The following TASP1 variants were observed in gnomAD, a reference collection of about 807,000 sequenced individuals.
The protein encoded by TASP1 is threonine aspartase 1.
A neutral mutation model predicts 56.6 loss-of-function variants in TASP1; 16 were observed. The observed-to-expected ratio is 0.28, with a 90% CI of 0.19 to 0.43. The LOEUF (loss-of-function observed/expected upper bound fraction) is 0.43, where lower values mean the gene tolerates loss of function less well. TASP1 is among the 20% of genes least tolerant of loss of function. TASP1 has a pLI of 1.00. For synonymous variants in TASP1, 179 were observed against 184.2 expected (o/e 0.97, Z 0.23); for missense variants, 393 against 511.6 (o/e 0.77, Z 2.24).
At chr20:13,592,424 T>A (rs997237148) in intron 4 of TASP1, among the ~76,000 whole-genome samples, 3 of 150,934 alleles carry the variant, frequency 2.0e-5, no homozygotes, top group Non-Finnish European at 4.4e-5. Context: ...TATATTCAAA[T>A]TGTCTAAGCA....
the TASP1 span, among the ~76,000 whole-genome samples, chr20:13,241,946 C>A: frequency 1.3e-5 from 2 of 151,716 alleles, no homozygotes; most frequent in African/African-American, 4.8e-5. Flanking sequence ...GAGTTGAGGG[C>A]CGTTGCAAGG....
At chr20:13,527,388 T>TA (rs2045023718) in intron 10 of TASP1, among the ~76,000 whole-genome samples, 2 of 152,106 alleles carry the variant, frequency 1.3e-5, no homozygotes, top group South Asian at 4.1e-4. Context: ...ACTCTCCCGA[T>TA]AAAGTCTGAT....
the TASP1 span, chr20:13,221,793 C>G: frequency 2.1e-6 from 3 of 1,452,302 alleles, no homozygotes; most frequent in Non-Finnish European, 2.7e-6. Flanking sequence ...CGCCTGGCGG[C>G]CGAGCTGCTG....
intron 11 of TASP1, among the ~76,000 whole-genome samples, chr20:13,448,213 A>G (rs2043482836): frequency 6.6e-6 from 1 of 152,106 alleles, no homozygotes; most frequent in Non-Finnish European, 1.5e-5. Flanking sequence ...CAATTGCCCA[A>G]CATAAATTTC....
chr20:13,485,974 G>A (rs1180233180), intron 10 of TASP1, among the ~76,000 whole-genome samples: 1 of 152,158 alleles, frequency 6.6e-6, no homozygotes, highest in African/African-American at 2.4e-5. Flanking sequence ...ACTTTGCTCT[G>A]CTGTTATACA....
Position 13,457,993 on chromosome 20 carries a change from A to T in TASP1, c.986-22839T>A, listed in dbSNP as rs184697258. Among the ~76,000 whole-genome samples, 57 of 152,318 alleles carry T rather than the reference A, an allele frequency of 3.7e-4. No individual in the cohort carries two copies. The East Asian group carries it at 9.3e-3, about 25-fold the overall frequency. Reference sequence around the variant, plus strand: ...TTTAAAAATCTAAATTTCAAGAAAGATGTTTTCATTTGTAAGTTTTCAATT... The same window carrying T: ...TTTAAAAATCTAAATTTCAAGAAAGTTGTTTTCATTTGTAAGTTTTCAATT... On this transcript the variant is annotated intron_variant, in intron 11 of 13. Coordinates refer to ENST00000337743, the MANE Select transcript of TASP1 (RefSeq NM_017714.3).
the TASP1 span, among the ~76,000 whole-genome samples, chr20:13,288,370 C>A: frequency 1.3e-5 from 2 of 152,182 alleles, no homozygotes; most frequent in Non-Finnish European, 2.9e-5. Flanking sequence ...AAGCTGATCC[C>A]TAAATGAGCC....
chr20:13,200,056 TA>T, the TASP1 span, among the ~76,000 whole-genome samples: 1 of 152,202 alleles, frequency 6.6e-6, no homozygotes, highest in African/African-American at 2.4e-5. Flanking sequence ...CACATAAATA[TA>T]ACTTGATTTC....
At chr20:13,192,619 G>A in the TASP1 span, among the ~76,000 whole-genome samples, 1 of 151,996 alleles carries the variant, frequency 6.6e-6, no homozygotes, top group South Asian at 2.1e-4. Flanking sequence ...CTGCAGCCTG[G>A]ACCTGCTAGG....
the TASP1 span, among the ~76,000 whole-genome samples, chr20:13,158,289 C>T: frequency 6.6e-6 from 1 of 152,086 alleles, no homozygotes. Context: ...ATAAAATTTC[C>T]AGTGCAATCA....
the TASP1 span, among the ~76,000 whole-genome samples, chr20:13,196,786 TG>T: frequency 6.6e-6 from 1 of 152,192 alleles, no homozygotes; most frequent in Non-Finnish European, 1.5e-5. Context: ...ACATGGCCCA[TG>T]TTTATAGCCC....
chr20:13,380,097 T>G, the TASP1 span, among the ~76,000 whole-genome samples: 1 of 152,214 alleles, frequency 6.6e-6, no homozygotes, highest in Non-Finnish European at 1.5e-5. Flanking sequence ...TCATTCTCCA[T>G]CCAGTTTTGT....
In TASP1 at chr20:13,502,047, G is replaced by T. The variant is rs116464296; in HGVS notation, c.875-18710C>A. On this transcript the variant is annotated intron_variant, in intron 10 of 13. Transcript: ENST00000337743. The stretch of plus-strand genomic sequence containing the variant: ...TCTAAATAATGGGAAAAATATAATG[G>T]ATATAACAGATTGAAATACATCAAA... 4.0e-3 allele frequency among the ~76,000 whole-genome samples: 610 copies of T among 151,862 alleles called. 4 individuals carry two copies. The highest frequency in any genetic ancestry group is 0.014 in the African/African-American group (579 of 41,486).
intron 12 of TASP1, among the ~76,000 whole-genome samples, chr20:13,425,377 A>G (rs2042584102): frequency 6.6e-6 from 1 of 152,210 alleles, no homozygotes; most frequent in Non-Finnish European, 1.5e-5. Flanking sequence ...GTTGCAAGTA[A>G]GTTTTTTCTA....
the TASP1 span, among the ~76,000 whole-genome samples, chr20:13,379,174 G>A: frequency 1.3e-5 from 2 of 152,168 alleles, no homozygotes; most frequent in African/African-American, 4.8e-5. Flanking sequence ...TAGGGTCAAT[G>A]GTCTTTACAA....
At chr20:13,309,825 G>C in the TASP1 span, among the ~76,000 whole-genome samples, 53 of 150,380 alleles carry the variant, frequency 3.5e-4, no homozygotes, top group Middle Eastern at 0.014. Context: ...AAGAAATCAA[G>C]AAAACATTCT....
intron 1 of TASP1, among the ~76,000 whole-genome samples, chr20:13,633,454 C>T (rs758313877): frequency 6.6e-6 from 1 of 151,988 alleles, no homozygotes; most frequent in South Asian, 2.1e-4. Flanking sequence ...TATTCATTTA[C>T]GGGAATACTA....
chr20:13,123,329 T>TAAA, the TASP1 span, among the ~76,000 whole-genome samples: 1,324 of 143,752 alleles, frequency 9.2e-3, 19 homozygotes, highest in African/African-American at 0.032. Context: ...AGACTCTGTC[T>TAAA]AAAAAAAAAA....
the TASP1 span, among the ~76,000 whole-genome samples, chr20:13,251,154 C>T: frequency 6.6e-6 from 1 of 152,084 alleles, no homozygotes; most frequent in Admixed American, 6.5e-5. Flanking sequence ...CCTGCAAAGC[C>T]CTGGGGATTT....
Sources: allele counts gnomAD v4.1 joint callset (sites outside exome capture counted in the v4.1 genomes callset), GRCh38; gene constraint gnomAD v4.1.1; transcripts MANE v1.5; gene names NCBI Gene and HGNC (gene_info 2026-07-23, HGNC 2026-07-21).